The following FBXW4 variants were observed in gnomAD, a reference collection of about 807,000 sequenced individuals.
FBXW4 encodes F-box and WD repeat domain containing 4.
FBXW4 carries 40 observed loss-of-function variants against 61.8 expected under a neutral mutation model. The ratio of observed to expected loss-of-function variants is 0.65; its 90% CI spans 0.50 to 0.84. The LOEUF (loss-of-function observed/expected upper bound fraction) is 0.84. FBXW4 is among the 40% of genes least tolerant of loss of function. The probability of loss-of-function intolerance (pLI) is 0.00; values close to 1 mark genes in which losing one functional copy is unlikely to be tolerated. For synonymous variants in FBXW4, 311 were observed against 313.8 expected (o/e 0.99, Z 0.10); for missense variants, 672 against 753.8 (o/e 0.89, Z 1.27).
intron 1 of FBXW4, among the ~76,000 whole-genome samples, chr10:101,693,834 C>T (rs1445835722): frequency 6.6e-6 from 1 of 152,184 alleles, no homozygotes; most frequent in Non-Finnish European, 1.5e-5. Context: ...TTTCGTGTCG[C>T]TCTGCCTATA....
At chr10:101,629,858 G>A (rs113479236) in intron 5 of FBXW4, among the ~76,000 whole-genome samples, 52 of 152,174 alleles carry the variant, frequency 3.4e-4, no homozygotes, top group African/African-American at 1.2e-3. Flanking sequence ...ATGGACAAAT[G>A]AACAAATGAC....
At chr10:101,614,908 C>A (rs2063814369) in intron 6 of FBXW4, among the ~76,000 whole-genome samples, 2 of 152,102 alleles carry the variant, frequency 1.3e-5, no homozygotes, top group Non-Finnish European at 1.5e-5. Context: ...TCGGCCCCCA[C>A]CCCAAGACCT....
At chr10:101,683,411 G>C (rs2064499965) in intron 1 of FBXW4, among the ~76,000 whole-genome samples, 1 of 152,116 alleles carries the variant, frequency 6.6e-6, no homozygotes, top group African/African-American at 2.4e-5. Flanking sequence ...CAGCTTTCCG[G>C]CACTTAGTAA....
At chr10:101,688,952 A>G (rs560077306) in intron 1 of FBXW4, among the ~76,000 whole-genome samples, 11 of 152,318 alleles carry the variant, frequency 7.2e-5, no homozygotes, top group Admixed American at 6.5e-4. Flanking sequence ...CCAGAAACTA[A>G]TCCAGTGCCA....
intron 5 of FBXW4, among the ~76,000 whole-genome samples, chr10:101,661,608 G>T (rs772072053): frequency 1.3e-5 from 2 of 151,832 alleles, no homozygotes; most frequent in Non-Finnish European, 2.9e-5. Flanking sequence ...GTGTCATGAC[G>T]CCCCTTCTAG....
chr10:101,659,607 G>C (rs2064223556), intron 5 of FBXW4, among the ~76,000 whole-genome samples: 1 of 152,194 alleles, frequency 6.6e-6, no homozygotes, highest in Admixed American at 6.5e-5. Flanking sequence ...AAGGAGACCA[G>C]AGCAGGGATG....
intron 5 of FBXW4, among the ~76,000 whole-genome samples, chr10:101,658,500 G>A (rs996305274): frequency 3.9e-5 from 6 of 152,122 alleles, no homozygotes; most frequent in African/African-American, 9.7e-5. Flanking sequence ...AGCCGAGATC[G>A]CGCCACTGCA....
intron 6 of FBXW4, among the ~76,000 whole-genome samples, chr10:101,624,228 G>A (rs977545850): frequency 6.7e-6 from 1 of 148,570 alleles, no homozygotes; most frequent in Non-Finnish European, 1.5e-5. Context: ...TCTTATTTTT[G>A]TAACTTCCTG....
chr10:101,612,494 G>C lies in FBXW4; in HGVS notation c.1302-17C>G, dbSNP rs201585955. 6.5e-7 allele frequency: 1 copy of C among 1,540,820 alleles called. No individual in the cohort carries two copies. The highest frequency in any genetic ancestry group is 1.9e-5 in the Admixed American group (1 of 53,378). Reference sequence around the variant, plus strand: ...AGCTGCCCACTGGGAAGGGAAGGACGGAGTGAGAGGCTGCTCCACGTGGGT... The same window carrying C: ...AGCTGCCCACTGGGAAGGGAAGGACCGAGTGAGAGGCTGCTCCACGTGGGT... On this transcript the variant is annotated splice_polypyrimidine_tract_variant and intron_variant, in intron 6 of 8. Coordinates refer to ENST00000331272, the MANE Select transcript of FBXW4 (RefSeq NM_022039.4).
At position 101,611,070 on chromosome 10, in the gene FBXW4, A is replaced by T; in HGVS notation, c.*221T>A. ...GGGTTCAGCCGCACTCTAAAGCAGC[A>T]GGTCCTGCCTCTCCAACAGGTTCCT... On this transcript the variant is annotated 3_prime_UTR_variant, in exon 9 of 9. Coordinates refer to ENST00000331272, the MANE Select transcript of FBXW4 (RefSeq NM_022039.4). This position sits in a 1 kb window ranked among gnomAD's most constrained non-coding sequence, Gnocchi z 4.9. The T allele has an allele frequency of 1.9e-6, 1 of 515,478 alleles. No homozygotes were observed. The highest frequency in any genetic ancestry group is 3.4e-6 in the Non-Finnish European group (1 of 294,988). The allele number at this position is 515,478 out of a possible 1,614,324, so 31.9% of individuals were successfully genotyped here. A position where few individuals can be genotyped will look rare whatever the true frequency, so the allele number is the denominator to read the frequency against.
chr10:101,675,248 C>T (rs1366148999), intron 2 of FBXW4, among the ~76,000 whole-genome samples: 3 of 152,114 alleles, frequency 2.0e-5, no homozygotes, highest in South Asian at 2.1e-4. Context: ...TATCCCCTTG[C>T]GTGAGTGTGT....
chr10:101,686,231 A>C lies in FBXW4; in HGVS notation c.725+8150T>G, dbSNP rs575944967. ...GTTAAAGAGATATTTAGCAGTGAAA[A>C]AAAGAATTTTATGGTCAAAACATTT... On this transcript the variant is annotated intron_variant, in intron 1 of 8. Transcript: ENST00000331272. Among the ~76,000 whole-genome samples the C allele has an allele frequency of 3.3e-5, 5 of 152,266 alleles. No homozygotes were observed. The South Asian group carries it at 1.0e-3, about 32-fold the overall frequency.
intron 1 of FBXW4, among the ~76,000 whole-genome samples, chr10:101,688,811 A>T (rs1212830840): frequency 6.6e-6 from 1 of 152,144 alleles, no homozygotes; most frequent in Non-Finnish European, 1.5e-5. Context: ...TTTTCACTGA[A>T]AATTCAAAAC....
intron 5 of FBXW4, among the ~76,000 whole-genome samples, chr10:101,647,721 G>A (rs190471765): frequency 3.9e-5 from 6 of 152,176 alleles, no homozygotes; most frequent in Admixed American, 3.9e-4. Flanking sequence ...GATAAGAAAG[G>A]TCACAAATTT....
Position 101,638,023 on chromosome 10 carries a change from CG to C in FBXW4, c.1236-13214del, listed in dbSNP as rs1414197177. Among the ~76,000 whole-genome samples the C allele has an allele frequency of 3.9e-5, 6 of 152,084 alleles. No individual in the cohort carries two copies. The East Asian group carries it at 1.2e-3, about 29-fold the overall frequency. ...CTGTTTGCGGGTATAGAACCTGATACGGTCTAACTGGAAGGCAATGTGGTGG... is the reference window on the plus strand; with the variant it reads ...CTGTTTGCGGGTATAGAACCTGATACGTCTAACTGGAAGGCAATGTGGTGG... On this transcript the variant is annotated intron_variant, in intron 5 of 8. Coordinates refer to ENST00000331272, the MANE Select transcript of FBXW4 (RefSeq NM_022039.4).
At chr10:101,660,329 G>T in intron 5 of FBXW4, 1 of 703,340 alleles carries the variant, frequency 1.4e-6, no homozygotes, top group Non-Finnish European at 1.7e-6. Context: ...AGTTGGGTTG[G>T]GAGGGGGGGT....
intron 4 of FBXW4, among the ~76,000 whole-genome samples, chr10:101,672,426 C>A (rs1226635982): frequency 2.0e-5 from 3 of 152,142 alleles, no homozygotes; most frequent in African/African-American, 7.2e-5. Context: ...CAAACAACAC[C>A]CCTCTCTCAT....
At chr10:101,666,249 T>C (rs575261114) in intron 5 of FBXW4, among the ~76,000 whole-genome samples, 13 of 152,318 alleles carry the variant, frequency 8.5e-5, no homozygotes, top group Non-Finnish European at 1.5e-4. Context: ...GACAGGTTTA[T>C]AGGTTAGCCG....
intron 4 of FBXW4, among the ~76,000 whole-genome samples, chr10:101,670,461 T>C (rs1217997849): frequency 6.6e-6 from 1 of 152,214 alleles, no homozygotes; most frequent in African/African-American, 2.4e-5. Context: ...ATAATGGTGA[T>C]TCTTATTACA....
Sources: gnomAD v4.1 joint callset for allele counts (sites outside exome capture counted in the v4.1 genomes callset) on GRCh38, gnomAD v4.1.1 for gene constraint, Gnocchi (gnomAD v3.1) non-coding constraint, MANE v1.5 for transcripts, NCBI Gene and HGNC (gene_info 2026-07-23, HGNC 2026-07-21) for gene names.